PTPRM: variants seen among roughly 807,000 people sequenced by gnomAD.
PTPRM encodes the protein receptor-type tyrosine-protein phosphatase mu.
PTPRM carries 47 observed loss-of-function variants against 186.7 expected under a neutral mutation model. The observed-to-expected ratio is 0.25, with a 90% confidence interval of 0.20 to 0.32. PTPRM has a LOEUF of 0.32. Ranked by LOEUF, PTPRM falls within the 10% of genes least tolerant of loss-of-function variation. The probability of loss-of-function intolerance (pLI) is 1.00; values close to 1 mark genes in which losing one functional copy is unlikely to be tolerated. For missense variants in PTPRM, 1,494 were observed against 1,865.0 expected, an observed-to-expected ratio of 0.80 and a Z score of 3.66; for synonymous variants, 668 against 674.9, an observed-to-expected ratio of 0.99 and a Z score of 0.16.
rs750445255 is a variant in PTPRM, at chr18:8,387,222, G to A, written c.4195G>A (p.Val1399Ile). The A allele has an allele frequency of 9.3e-6, 15 of 1,613,716 alleles. No homozygotes were observed. Among genetic ancestry groups the A allele is most frequent in the South Asian group, 5.5e-5 (5 of 91,050 alleles). The change falls in exon 31 of 33, where the codon GTT (valine) becomes ATT (isoleucine). Residue 1399 changes from valine (V) to isoleucine (I), a missense_variant. This residue lies in a region of PTPRM where 1,107 missense variants were observed against 1,350.2 expected (regional missense o/e 0.82). Transcript: ENST00000580170. Reference sequence around the variant, plus strand: ...GTACAATGGCGGGGAAGGCCGCACGGTTGTGCACTGCTTGTAAGTGCTTGA... The same window carrying A: ...GTACAATGGCGGGGAAGGCCGCACGATTGTGCACTGCTTGTAAGTGCTTGA... Reference protein sequence around the residue: ...EEYNGGEGRTVVHCLNGGGRS... With the variant: ...EEYNGGEGRTIVHCLNGGGRS...
intron 1 of PTPRM, among the ~76,000 whole-genome samples, chr18:7,768,222 G>T (rs79646102): frequency 0.012 from 1,752 of 152,256 alleles, 37 homozygotes; most frequent in African/African-American, 0.04. Context: ...TAGGATCTGC[G>T]CATGGTGGCT....
chr18:7,929,805 T>G (rs1443601), intron 5 of PTPRM, among the ~76,000 whole-genome samples: 14,151 of 152,080 alleles, frequency 0.093, 1,855 homozygotes, highest in African/African-American at 0.3. Flanking sequence ...ATTTTCTCAG[T>G]CCATTCTTTA....
chr18:7,705,570 A>G (rs2040068750), intron 1 of PTPRM, among the ~76,000 whole-genome samples: 1 of 152,200 alleles, frequency 6.6e-6, no homozygotes. Context: ...AATTGTTATT[A>G]TGTAGTATTG....
At position 7,567,955 on chromosome 18, in the gene PTPRM, G is replaced by C; in HGVS notation, c.73+64G>C. ...GCCGGCGCGGGACGCCCGGGACGCC[G>C]ACAGCTCCCTGGTGGTAGAGCCCTA... On this transcript the variant is annotated intron_variant, in intron 1 of 32. Coordinates refer to ENST00000580170, the MANE Select transcript of PTPRM (RefSeq NM_001105244.2). The surrounding 1 kb of genome is among the most constrained non-coding windows in gnomAD (Gnocchi z 4.3). 6.9e-7 allele frequency: 1 copy of C among 1,455,634 alleles called. No individual in the cohort carries two copies. Among genetic ancestry groups the C allele is most frequent in the Non-Finnish European group, 9.0e-7 (1 of 1,108,490 alleles). 90.2% of individuals were successfully genotyped at this position (1,455,634 alleles called of 1,614,324 possible). A position where few individuals can be genotyped will look rare whatever the true frequency, so the allele number is the denominator to read the frequency against.
chr18:7,946,484 G>A (rs1421129990), intron 5 of PTPRM, among the ~76,000 whole-genome samples: 1 of 152,038 alleles, frequency 6.6e-6, no homozygotes, highest in Non-Finnish European at 1.5e-5. Context: ...TTTCAGTTTG[G>A]AAAGAAGACT....
chr18:8,088,926 T>C, intron 11 of PTPRM, 75 bp downstream of exon 11: 1 of 1,145,632 alleles, frequency 8.7e-7, no homozygotes, highest in South Asian at 1.3e-5. Flanking sequence ...CCAATGTGTT[T>C]TCTAGGGATT....
chr18:7,872,628 G>A (rs2048037652), intron 2 of PTPRM, among the ~76,000 whole-genome samples: 1 of 152,156 alleles, frequency 6.6e-6, no homozygotes, highest in Non-Finnish European at 1.5e-5. Flanking sequence ...AACAATAAAA[G>A]TGCCATTTAT....
At chr18:7,810,112 C>T (rs17557502) in intron 2 of PTPRM, among the ~76,000 whole-genome samples, 14,139 of 152,132 alleles carry the variant, frequency 0.093, 654 homozygotes, top group East Asian at 0.13. Context: ...AAATACCCAG[C>T]TTAGGGATCT....
intron 7 of PTPRM, among the ~76,000 whole-genome samples, chr18:8,065,556 T>C (rs72907931): frequency 0.062 from 9,373 of 152,146 alleles, 417 homozygotes; most frequent in South Asian, 0.098. Context: ...ACTGGCCTCA[T>C]GATTCATGCC....
At chr18:8,054,313 A>G (rs2087748961) in intron 7 of PTPRM, among the ~76,000 whole-genome samples, 1 of 141,124 alleles carries the variant, frequency 7.1e-6, no homozygotes, top group Non-Finnish European at 1.5e-5. Context: ...ATATATATAT[A>G]TATATATATT....
chr18:7,845,533 A>G (rs2046551128), intron 2 of PTPRM, among the ~76,000 whole-genome samples: 1 of 152,208 alleles, frequency 6.6e-6, no homozygotes, highest in South Asian at 2.1e-4. Context: ...TTACATTGTA[A>G]AAATTTTTCG....
At chr18:7,916,863 C>T (rs1253822418) in intron 4 of PTPRM, among the ~76,000 whole-genome samples, 1 of 152,078 alleles carries the variant, frequency 6.6e-6, no homozygotes, top group African/African-American at 2.4e-5. Context: ...TATAGTCACC[C>T]TACAGTACTG....
intron 2 of PTPRM, among the ~76,000 whole-genome samples, chr18:7,809,523 A>G (rs576438814): frequency 1.4e-4 from 21 of 152,068 alleles, no homozygotes; most frequent in African/African-American, 5.1e-4. Flanking sequence ...CCTTTCCAAG[A>G]CAGGGTGCAG....
intron 23 of PTPRM, among the ~76,000 whole-genome samples, chr18:8,347,799 G>A (rs1332129097): frequency 6.6e-6 from 1 of 152,000 alleles, no homozygotes; most frequent in Non-Finnish European, 1.5e-5. Flanking sequence ...GTCTGGTAAG[G>A]TTATTAAAAA....
intron 13 of PTPRM, among the ~76,000 whole-genome samples, chr18:8,139,508 TTCC>T (rs2092715392): frequency 6.6e-6 from 1 of 152,180 alleles, no homozygotes; most frequent in South Asian, 2.1e-4. Context: ...CCAGATCAAG[TTCC>T]TCCTCTGCTC....
intron 8 of PTPRM, among the ~76,000 whole-genome samples, chr18:8,071,289 T>G (rs1364863731): frequency 6.6e-6 from 1 of 152,258 alleles, no homozygotes; most frequent in Non-Finnish European, 1.5e-5. Flanking sequence ...CATTTCTCTA[T>G]TGACTCTGGT....
chr18:8,312,100 T>C (rs1287315099), intron 20 of PTPRM, among the ~76,000 whole-genome samples: 1 of 152,130 alleles, frequency 6.6e-6, no homozygotes, highest in African/African-American at 2.4e-5. Flanking sequence ...TGACCTCCCT[T>C]CAGAGGAGCT....
intron 14 of PTPRM, among the ~76,000 whole-genome samples, chr18:8,155,571 A>T (rs986517498): frequency 1.3e-5 from 2 of 152,258 alleles, no homozygotes; most frequent in Admixed American, 6.5e-5. Flanking sequence ...GCAGCATATT[A>T]TCAAATATTT....
rs549534502 is a variant in PTPRM at position 7,567,983 on chromosome 18, G to A, written c.73+92G>A. The stretch of plus-strand genomic sequence containing the variant: ...AGCTCCCTGGTGGTAGAGCCCTAAG[G>A]CTGGCGTCGGGGCCGGGCGGGGGGC... On this transcript the variant is annotated intron_variant, in intron 1 of 32. Transcript: ENST00000580170. The surrounding 1 kb of genome is among the most constrained non-coding windows in gnomAD (Gnocchi z 4.3). 1.8e-5 allele frequency: 23 copies of A among 1,265,412 alleles called. No homozygotes were observed. The East Asian group carries it at 6.4e-4, about 35-fold the overall frequency. 78.4% of individuals were successfully genotyped at this position (1,265,412 alleles called of 1,614,324 possible).
Sources: gnomAD v4.1 joint callset for allele counts (sites outside exome capture counted in the v4.1 genomes callset) on GRCh38, gnomAD v4.1.1 for gene constraint, gnomAD v4.1.1 regional missense constraint, Gnocchi (gnomAD v3.1) non-coding constraint, MANE v1.5 for transcripts, NCBI Gene and HGNC (gene_info 2026-07-23, HGNC 2026-07-21) for gene names.